MAMDC2: variants seen among roughly 807,000 people sequenced by gnomAD.
The protein encoded by MAMDC2 is MAM domain-containing protein 2.
MAMDC2 carries 57 observed loss-of-function variants against 89.8 expected under a neutral mutation model. The ratio of observed to expected loss-of-function variants is 0.63; its 90% CI spans 0.51 to 0.79. The LOEUF (loss-of-function observed/expected upper bound fraction) is 0.79. Ranked by LOEUF, MAMDC2 falls within the 30% of genes least tolerant of loss-of-function variation. The probability of loss-of-function intolerance (pLI) is 0.00; values close to 1 mark genes in which losing one functional copy is unlikely to be tolerated. For synonymous variants in MAMDC2, 313 were observed against 293.4 expected (o/e 1.07, Z -0.68); for missense variants, 800 against 820.6 (o/e 0.97, Z 0.31).
At chr9:70,207,808 A>G (rs1339619302) in intron 11 of MAMDC2, among the ~76,000 whole-genome samples, 1 of 152,312 alleles carries the variant, frequency 6.6e-6, no homozygotes, top group African/African-American at 2.4e-5. Flanking sequence ...TAATTTTTGT[A>G]TAAGGTGTAA....
At chr9:70,144,359 C>T (rs761115310) in intron 9 of MAMDC2, among the ~76,000 whole-genome samples, 7 of 152,238 alleles carry the variant, frequency 4.6e-5, no homozygotes, top group South Asian at 4.1e-4. Flanking sequence ...ATAAGGGAAC[C>T]GTCAGCATCT....
At chr9:70,187,504 G>C (rs994263986) in intron 11 of MAMDC2, among the ~76,000 whole-genome samples, 1 of 151,804 alleles carries the variant, frequency 6.6e-6, no homozygotes, top group African/African-American at 2.4e-5. Context: ...ATAATTCATT[G>C]GTTTTAAATA....
chr9:70,123,943 T>G (rs1490439535), intron 5 of MAMDC2, among the ~76,000 whole-genome samples: 1 of 152,230 alleles, frequency 6.6e-6, no homozygotes, highest in Admixed American at 6.5e-5. Context: ...AGGCAATACA[T>G]GTGTGTTGCT....
chr9:70,217,726 ATGT>A lies in MAMDC2; in HGVS notation c.1652-609_1652-607del, dbSNP rs1456418420. The A allele has an allele frequency of 2.4e-6, 3 of 1,234,536 alleles. No homozygotes were observed. The African/African-American group carries it at 4.6e-5, about 19-fold the overall frequency. The allele number at this position is 1,234,536 out of a possible 1,614,324, so 76.5% of individuals were successfully genotyped here. On this transcript the variant is annotated intron_variant, in intron 11 of 13. Transcript: ENST00000377182. Reference sequence around the variant, plus strand: ...ATTATATTTAAAAAAATTACAGAGTATGTTTTCAAAACTAAAAAAAAGTGTCAC... The same window carrying A: ...ATTATATTTAAAAAAATTACAGAGTATTTCAAAACTAAAAAAAAGTGTCAC...
At chr9:70,097,213 G>C (rs978141126) in intron 2 of MAMDC2, among the ~76,000 whole-genome samples, 23 of 152,170 alleles carry the variant, frequency 1.5e-4, no homozygotes. Context: ...GTCTCATCCA[G>C]CTTCACCCTA....
At chr9:70,197,404 G>A (rs1459013627) in intron 11 of MAMDC2, among the ~76,000 whole-genome samples, 1 of 152,096 alleles carries the variant, frequency 6.6e-6, no homozygotes, top group Non-Finnish European at 1.5e-5. Context: ...CATACTTGAT[G>A]AAATGGAAGA....
At chr9:70,061,132 T>C (rs1827141067) in intron 2 of MAMDC2, among the ~76,000 whole-genome samples, 1 of 152,214 alleles carries the variant, frequency 6.6e-6, no homozygotes, top group African/African-American at 2.4e-5. Context: ...AGAGTTTACA[T>C]CTGTGTTCTC....
intron 2 of MAMDC2, among the ~76,000 whole-genome samples, chr9:70,064,904 G>A (rs531846971): frequency 4.6e-5 from 7 of 152,140 alleles, no homozygotes; most frequent in Non-Finnish European, 8.8e-5. Context: ...ATATAACCTC[G>A]TGCTACAAAA....
chr9:70,046,991 A>T (rs1826770127), intron 2 of MAMDC2, among the ~76,000 whole-genome samples: 1 of 152,188 alleles, frequency 6.6e-6, no homozygotes, highest in Admixed American at 6.5e-5. Context: ...TTTCCCTTAT[A>T]AGCCCATTTC....
At chr9:70,076,609 C>G (rs1438027660) in intron 2 of MAMDC2, among the ~76,000 whole-genome samples, 1 of 152,172 alleles carries the variant, frequency 6.6e-6, no homozygotes, top group Non-Finnish European at 1.5e-5. Flanking sequence ...GGAAAACATG[C>G]TGCCTCAGTC....
In MAMDC2 at chr9:70,121,810, T is replaced by A. The variant is rs190485657; in HGVS notation, c.644-4349T>A. Among the ~76,000 whole-genome samples the A allele has an allele frequency of 7.9e-5, 12 of 152,176 alleles. No individual in the cohort carries two copies. The East Asian group carries it at 2.3e-3, about 29-fold the overall frequency. ...GGGTTCATTGAACTAGGCAGGAAGATTCTCCTAATATCAGACACTGGACAA... is the reference window on the plus strand; with the variant it reads ...GGGTTCATTGAACTAGGCAGGAAGAATCTCCTAATATCAGACACTGGACAA... On this transcript the variant is annotated intron_variant, in intron 5 of 13. Coordinates refer to ENST00000377182, the MANE Select transcript of MAMDC2 (RefSeq NM_153267.5).
chr9:70,074,967 G>A (rs1433305111), intron 2 of MAMDC2, among the ~76,000 whole-genome samples: 1 of 152,210 alleles, frequency 6.6e-6, no homozygotes, highest in African/African-American at 2.4e-5. Context: ...TCTAGTGGAT[G>A]TGCCCAGCCA....
intron 11 of MAMDC2, among the ~76,000 whole-genome samples, chr9:70,196,220 G>A (rs2032973389): frequency 6.6e-6 from 1 of 151,978 alleles, no homozygotes; most frequent in Non-Finnish European, 1.5e-5. Context: ...TGGCACATGG[G>A]GATTATTACA....
chr9:70,168,360 C>A (rs367917280), intron 9 of MAMDC2, among the ~76,000 whole-genome samples: 1 of 152,146 alleles, frequency 6.6e-6, no homozygotes, highest in Non-Finnish European at 1.5e-5. Flanking sequence ...GGCATGGTGA[C>A]GGGTGTCCGT....
intron 2 of MAMDC2, among the ~76,000 whole-genome samples, chr9:70,059,132 A>G (rs866424524): frequency 2.6e-5 from 4 of 152,336 alleles, no homozygotes; most frequent in South Asian, 2.1e-4. Context: ...GCAAAAAGGC[A>G]TATGAACTCA....
At chr9:70,190,314 T>C (rs1248453448) in intron 11 of MAMDC2, among the ~76,000 whole-genome samples, 1 of 152,200 alleles carries the variant, frequency 6.6e-6, no homozygotes, top group Non-Finnish European at 1.5e-5. Flanking sequence ...ACTAATTCTG[T>C]AGTCTATATT....
chr9:70,221,380 T>TATATATATAGAGAGAGAGAGAG, intron 12 of MAMDC2, among the ~76,000 whole-genome samples: 3 of 7,044 alleles, frequency 4.3e-4, no homozygotes, highest in Admixed American at 5.6e-3. Flanking sequence ...TATATATATA[T>TATATATATAGAGAGAGAGAGAG]AGAGAGAGAG....
intron 2 of MAMDC2, among the ~76,000 whole-genome samples, chr9:70,099,170 A>C (rs1828098991): frequency 6.6e-6 from 1 of 152,204 alleles, no homozygotes; most frequent in South Asian, 2.1e-4. Flanking sequence ...AGTAATCAGT[A>C]GATTTATAAA....
chr9:70,105,152 C>G (rs1433910122), intron 2 of MAMDC2, among the ~76,000 whole-genome samples: 1 of 152,048 alleles, frequency 6.6e-6, no homozygotes, highest in Non-Finnish European at 1.5e-5. Flanking sequence ...TCTTCCTCAT[C>G]CTATATTTTC....
Sources: allele counts gnomAD v4.1 joint callset (sites outside exome capture counted in the v4.1 genomes callset), GRCh38; gene constraint gnomAD v4.1.1; transcripts MANE v1.5; gene names NCBI Gene and HGNC (gene_info 2026-07-23, HGNC 2026-07-21).